The following SEC31B variants were observed in gnomAD, a reference collection of about 807,000 sequenced individuals.
SEC31B encodes protein transport protein Sec31B.
In SEC31B, 113 loss-of-function variants were observed where a neutral mutation model predicts 135.0. That is an observed-to-expected ratio of 0.84 (90% CI 0.72 to 0.98). SEC31B has a LOEUF of 0.98. Among genes scored for constraint, SEC31B ranks in the 50% least tolerant of loss-of-function variants. The pLI, the probability that SEC31B is intolerant of heterozygous loss-of-function variation, is 0.00. For missense variants in SEC31B, 1,296 were observed against 1,421.1 expected, an observed-to-expected ratio of 0.91 and a Z score of 1.42; for synonymous variants, 508 against 549.4, an observed-to-expected ratio of 0.92 and a Z score of 1.05.
chr10:100,493,037 T>C (rs1851330023), intron 19 of SEC31B, among the ~76,000 whole-genome samples: 1 of 152,108 alleles, frequency 6.6e-6, no homozygotes, highest in African/African-American at 2.4e-5. Flanking sequence ...TACCCCAAAT[T>C]GGAAACTATC....
intron 15 of SEC31B, 66 bp from the exon 16 acceptor site, chr10:100,497,859 C>T (rs762707962): frequency 2.4e-5 from 38 of 1,611,968 alleles, no homozygotes; most frequent in Middle Eastern, 1.7e-4. Context: ...AGGATTCCTG[C>T]ACAGGCCTCC....
At chr10:100,507,774 A>C (rs557738893) in intron 6 of SEC31B, 134 bp downstream of exon 6, 159 of 1,354,684 alleles carry the variant, frequency 1.2e-4, no homozygotes, top group Non-Finnish European at 1.5e-4. Flanking sequence ...TCTCAATAGG[A>C]AATGTGCTAA....
In SEC31B at chr10:100,507,542, T is replaced by C. The variant is rs541899259; in HGVS notation, c.665A>G (p.His222Arg). ...NRMHCSGLAWHPDIATQLVLC... is the reference protein window; with the variant it reads ...NRMHCSGLAWRPDIATQLVLC... ...CACTAACTGGGTGGCTATGTCAGGA[T>C]GCCAGGCCAGGCCTGAGCAGTGCAT... The change falls in exon 7 of 26, where the codon CAT (histidine) becomes CGT (arginine). Residue 222 changes from histidine to arginine, a missense_variant. Coordinates refer to ENST00000370345, the MANE Select transcript of SEC31B (RefSeq NM_015490.4). 1.2e-6 allele frequency: 2 copies of C among 1,614,236 alleles called. No homozygotes were observed. Among genetic ancestry groups the C allele is most frequent in the African/African-American group, 1.3e-5 (1 of 75,072 alleles).
At chr10:100,514,790 A>G (rs528730180) in intron 3 of SEC31B, among the ~76,000 whole-genome samples, 21 of 152,154 alleles carry the variant, frequency 1.4e-4, no homozygotes, top group African/African-American at 4.8e-4. Context: ...ATATAAAAAA[A>G]ATTAACAGAA....
intron 3 of SEC31B, among the ~76,000 whole-genome samples, chr10:100,512,837 A>C (rs1163756502): frequency 6.6e-6 from 1 of 152,228 alleles, no homozygotes; most frequent in Admixed American, 6.5e-5. Context: ...AGTTTCTTAG[A>C]AGTTATCTGG....
Position 100,490,757 on chromosome 10 carries a change from G to A in SEC31B, c.2599C>T (p.Pro867Ser), listed in dbSNP as rs749764210. The A allele has an allele frequency of 3.1e-6, 5 of 1,606,114 alleles. No individual in the cohort carries two copies. Among genetic ancestry groups the A allele is most frequent in the Non-Finnish European group, 4.3e-6 (5 of 1,175,502 alleles). ...RTQNISDYRA[P>S]GPQAIQPLPL... ...AAAGGCTGGATGGCCTGGGGCCCAG[G>A]TGCCCTGTAGTCACTTATATTCTGT... The change falls in exon 20 of 26, where the codon CCT becomes TCT. Residue 867 changes from proline (P) to serine (S), a missense_variant. Coordinates refer to ENST00000370345, the MANE Select transcript of SEC31B (RefSeq NM_015490.4).
intron 3 of SEC31B, among the ~76,000 whole-genome samples, chr10:100,512,351 G>A (rs1194286516): frequency 3.3e-5 from 5 of 152,134 alleles, no homozygotes; most frequent in Non-Finnish European, 4.4e-5. Context: ...GTCCTCAGTC[G>A]ATGATATAAA....
chr10:100,508,717 A>G, intron 5 of SEC31B: 1 of 481,928 alleles, frequency 2.1e-6, no homozygotes, highest in South Asian at 2.1e-5. Flanking sequence ...TGTGATAAAC[A>G]GCACTCCCAT....
At chr10:100,499,381 G>C in intron 12 of SEC31B, 123 bp from the exon 13 acceptor site, 1 of 1,106,494 alleles carries the variant, frequency 9.0e-7, no homozygotes. Context: ...ATTTTTTTCT[G>C]AGAAAAAAAC....
chr10:100,519,647 G>T (rs370258087), intron 1 of SEC31B, 135 bp downstream of exon 1: 1 of 152,348 alleles, frequency 6.6e-6, no homozygotes, highest in Non-Finnish European at 1.5e-5. Context: ...CCGGACCCGC[G>T]GGCAGGGCAG....
chr10:100,509,272 T>C lies in SEC31B; in HGVS notation c.399+44A>G, dbSNP rs752615075. The C allele has an allele frequency of 1.9e-6, 3 of 1,583,642 alleles. No individual in the cohort carries two copies. In the Admixed American group the frequency reaches 5.1e-5, roughly 27 times the overall value. ...AAATGAATGCTTCCACTCAGATCTGTTGCTCCCTGGCTTGGCCATGTTTGA... is the reference window on the plus strand; with the variant it reads ...AAATGAATGCTTCCACTCAGATCTGCTGCTCCCTGGCTTGGCCATGTTTGA... On this transcript the variant is annotated intron_variant, in intron 4 of 25. Coordinates refer to ENST00000370345, the MANE Select transcript of SEC31B (RefSeq NM_015490.4).
chr10:100,489,361 G>C lies in SEC31B; in HGVS notation c.3062C>G (p.Ala1021Gly). 6.2e-7 allele frequency: 1 copy of C among 1,614,014 alleles called. No individual in the cohort carries two copies. The highest frequency in any genetic ancestry group is 1.1e-5 in the South Asian group (1 of 91,018). Residue 1021 changes from alanine to glycine, a missense_variant, in exon 23 of 26, where the codon GCT (alanine) becomes GGT (glycine). By Grantham distance (60) the Ala-to-Gly change is moderately conservative (BLOSUM62 0). Transcript: ENST00000370345. ...CTCAGGGGTGAGGCTCATAACTGGA[G>C]CAGTAATTGGTGCTGGGGGCATAAA... ...ETFMPPAPITAPVMSLTPELQ... is the reference protein window; with the variant it reads ...ETFMPPAPITGPVMSLTPELQ...
chr10:100,502,711 AC>A (rs1589736099), intron 10 of SEC31B, among the ~76,000 whole-genome samples: 1 of 152,222 alleles, frequency 6.6e-6, no homozygotes, highest in East Asian at 1.9e-4. Flanking sequence ...ACTTCACCAC[AC>A]AAGACTCACC....
chr10:100,490,543 G>A (rs1484724044), intron 20 of SEC31B, 163 bp downstream of exon 20: 4 of 882,194 alleles, frequency 4.5e-6, no homozygotes, highest in Non-Finnish European at 6.6e-6. Flanking sequence ...TTGGTATATT[G>A]CCAAAGGTAC....
intron 19 of SEC31B, among the ~76,000 whole-genome samples, chr10:100,493,126 C>G (rs371557132): frequency 6.6e-6 from 1 of 152,146 alleles, no homozygotes; most frequent in Non-Finnish European, 1.5e-5. Context: ...ATAATCCCAG[C>G]GCTTTGGGAG....
At position 100,505,015 on chromosome 10, in the gene SEC31B, GT is replaced by G. The variant is rs372010853; in HGVS notation, c.1179+345del. Reference sequence around the variant, plus strand: ...AACAGAGAAATGACAGAATAAAATGGTTTTTTTTTTGCCTTCTTTGTAGTTC... The same window carrying G: ...AACAGAGAAATGACAGAATAAAATGGTTTTTTTTTGCCTTCTTTGTAGTTC... On this transcript the variant is annotated intron_variant, in intron 10 of 25. Transcript: ENST00000370345. 9.9e-3 allele frequency among the ~76,000 whole-genome samples: 1,469 copies of G among 148,598 alleles called. 16 individuals carry two copies. The highest frequency in any genetic ancestry group is 0.014 in the Non-Finnish European group (924 of 66,834).
chr10:100,490,816 G>A lies in SEC31B; in HGVS notation c.2540C>T (p.Pro847Leu), dbSNP rs764227424. 9.4e-6 allele frequency: 15 copies of A among 1,604,052 alleles called. No homozygotes were observed. The highest frequency in any genetic ancestry group is 1.3e-5 in the Non-Finnish European group (15 of 1,173,786). Residue 847 changes from proline (P) to leucine (L), a missense_variant, in exon 20 of 26, where the codon CCT becomes CTT. Physicochemically the swap from Pro to Leu is moderately conservative, Grantham distance 98 (BLOSUM62 -3). Coordinates refer to ENST00000370345, the MANE Select transcript of SEC31B (RefSeq NM_015490.4). ...ACCCTGATAAGGGCTAGGATGGGAAGGTGCCAAGGGCATCGCTGGTGATGA... is the reference window on the plus strand; with the variant it reads ...ACCCTGATAAGGGCTAGGATGGGAAAGTGCCAAGGGCATCGCTGGTGATGA... ...PQSSPAMPLAPSHPSPYQGPR... is the reference protein window; with the variant it reads ...PQSSPAMPLALSHPSPYQGPR...
intron 10 of SEC31B, among the ~76,000 whole-genome samples, chr10:100,502,753 T>C (rs1001233179): frequency 2.6e-5 from 4 of 152,280 alleles, no homozygotes; most frequent in African/African-American, 9.6e-5. Context: ...ACCACCATTC[T>C]CCCAGTCACC....
chr10:100,489,857 A>G, intron 21 of SEC31B, 96 bp from the exon 22 acceptor site: 1 of 1,586,990 alleles, frequency 6.3e-7, no homozygotes, highest in Non-Finnish European at 8.6e-7. Context: ...GTTGGAGTTC[A>G]CCATACCTCC....
Sources: gnomAD v4.1 joint callset for allele counts (sites outside exome capture counted in the v4.1 genomes callset) on GRCh38, gnomAD v4.1.1 for gene constraint, MANE v1.5 for transcripts, NCBI Gene and HGNC (gene_info 2026-07-23, HGNC 2026-07-21) for gene names.